Variants in FHIT observed in about 807,000 individuals in gnomAD.
FHIT encodes fragile histidine triad diadenosine triphosphatase.
Under a neutral mutation model 17.9 loss-of-function variants are expected in FHIT, and 19 were observed. That is an observed-to-expected ratio of 1.06 (90% CI 0.74 to 1.56). The LOEUF (loss-of-function observed/expected upper bound fraction) is 1.56, where lower values mean the gene tolerates loss of function less well. FHIT is among the 40% of genes most tolerant of loss of function. The pLI is 0.00. For missense variants in FHIT, 248 were observed against 189.2 expected (o/e 1.31, Z -1.82); for synonymous variants, 81 against 69.7 (o/e 1.16, Z -0.81).
At chr3:59,830,212 A>G (rs1380049474) in intron 8 of FHIT, among the ~76,000 whole-genome samples, 1 of 152,248 alleles carries the variant, frequency 6.6e-6, no homozygotes, top group Non-Finnish European at 1.5e-5. Flanking sequence ...TAACCAAAGT[A>G]ATCAGAAGCT....
chr3:60,468,426 T>C (rs934573873), intron 5 of FHIT, among the ~76,000 whole-genome samples: 3 of 152,140 alleles, frequency 2.0e-5, no homozygotes, highest in Admixed American at 2.0e-4. Flanking sequence ...TCAAGTGATA[T>C]GTTTTTATTG....
intron 4 of FHIT, among the ~76,000 whole-genome samples, chr3:60,618,802 G>A (rs554360474): frequency 6.6e-6 from 1 of 152,300 alleles, no homozygotes; most frequent in African/African-American, 2.4e-5. Flanking sequence ...GGAGGCAAAA[G>A]AGGTCAGAAT....
At chr3:61,071,872 T>C (rs993360783) in intron 2 of FHIT, among the ~76,000 whole-genome samples, 2 of 152,202 alleles carry the variant, frequency 1.3e-5, no homozygotes, top group South Asian at 2.1e-4. Context: ...CCTTATGTTA[T>C]CCTACATTTT....
intron 2 of FHIT, among the ~76,000 whole-genome samples, chr3:61,183,159 G>C (rs550986822): frequency 6.6e-6 from 1 of 152,328 alleles, no homozygotes; most frequent in African/African-American, 2.4e-5. Flanking sequence ...TTGCCACAGA[G>C]TGCCGTTATG....
rs137984547 is a variant in FHIT, at chr3:60,569,307, A to T, written c.-17-32328T>A. ...CTTCTAAGGATACCTCCTGGCCACC[A>T]AAGGACACTGGCGTGGTTTATTTCA... On this transcript the variant is annotated intron_variant, in intron 4 of 9. Coordinates refer to ENST00000492590, the MANE Select transcript of FHIT (RefSeq NM_002012.4). Among the ~76,000 whole-genome samples, 155 of 152,234 alleles carry T rather than the reference A, an allele frequency of 1.0e-3. 3 individuals carry two copies. Among genetic ancestry groups the T allele is most frequent in the African/African-American group, 3.2e-3 (135 of 41,554 alleles).
intron 5 of FHIT, among the ~76,000 whole-genome samples, chr3:60,321,625 C>A (rs1304853275): frequency 6.6e-6 from 1 of 152,242 alleles, no homozygotes; most frequent in Non-Finnish European, 1.5e-5. Flanking sequence ...CTGCTGAAAT[C>A]TGAGGATCTC....
intron 5 of FHIT, among the ~76,000 whole-genome samples, chr3:60,469,443 T>A (rs1254733784): frequency 3.9e-5 from 6 of 152,204 alleles, no homozygotes; most frequent in Admixed American, 1.3e-4. Context: ...TAACAGACTC[T>A]GATGCATTCT....
intron 4 of FHIT, among the ~76,000 whole-genome samples, chr3:60,609,928 TG>T (rs2038734208): frequency 6.6e-6 from 1 of 152,232 alleles, no homozygotes; most frequent in Non-Finnish European, 1.5e-5. Flanking sequence ...TTAGACTGAT[TG>T]AATACATTGT....
At chr3:61,155,607 G>A (rs542760805) in intron 2 of FHIT, among the ~76,000 whole-genome samples, 12 of 151,750 alleles carry the variant, frequency 7.9e-5, no homozygotes, top group South Asian at 2.1e-4. Context: ...TTTCTTCTTC[G>A]TTGAAATATT....
intron 8 of FHIT, among the ~76,000 whole-genome samples, chr3:59,920,572 G>A (rs1011993081): frequency 1.3e-5 from 2 of 152,118 alleles, no homozygotes; most frequent in Non-Finnish European, 2.9e-5. Context: ...AAGCACAGTT[G>A]GAACATCGAC....
Position 60,430,183 on chromosome 3 carries a change from G to A in FHIT, c.103+106677C>T, listed in dbSNP as rs549819381. ...CTCAGCTGCTCTGTGGAGCTGTGAG[G>A]ATACAATGAGACTGTTGCATTCCAC... On this transcript the variant is annotated intron_variant, in intron 5 of 9. Transcript: ENST00000492590. Among the ~76,000 whole-genome samples the A allele has an allele frequency of 2.6e-5, 4 of 152,140 alleles. No homozygotes were observed. In the South Asian group the frequency reaches 8.3e-4, roughly 32 times the overall value.
chr3:60,626,014 T>C (rs1252542470), intron 4 of FHIT, among the ~76,000 whole-genome samples: 1 of 152,222 alleles, frequency 6.6e-6, no homozygotes, highest in Non-Finnish European at 1.5e-5. Context: ...ATGAATTGTC[T>C]TGGCAGCACT....
intron 5 of FHIT, among the ~76,000 whole-genome samples, chr3:60,256,546 G>A (rs1576377865): frequency 6.6e-6 from 1 of 152,212 alleles, no homozygotes; most frequent in Non-Finnish European, 1.5e-5. Flanking sequence ...AGCTAACTAA[G>A]GCTAAGAGAG....
intron 5 of FHIT, among the ~76,000 whole-genome samples, chr3:60,299,495 T>C (rs1708357025): frequency 6.6e-6 from 1 of 152,162 alleles, no homozygotes; most frequent in Admixed American, 6.6e-5. Context: ...GAATTCTAAG[T>C]TGACAGTTAT....
intron 4 of FHIT, among the ~76,000 whole-genome samples, chr3:60,752,215 C>T (rs2042481342): frequency 6.6e-6 from 1 of 152,068 alleles, no homozygotes; most frequent in African/African-American, 2.4e-5. Flanking sequence ...GTTGTTTTCA[C>T]TGGGGGTGGG....
chr3:59,866,322 A>G (rs747474832), intron 8 of FHIT, among the ~76,000 whole-genome samples: 14 of 151,920 alleles, frequency 9.2e-5, no homozygotes, highest in Non-Finnish European at 1.8e-4. Flanking sequence ...AACGTGTCCA[A>G]GAATAGAAAA....
intron 5 of FHIT, among the ~76,000 whole-genome samples, chr3:60,204,740 C>T (rs904096879): frequency 1.3e-5 from 2 of 152,038 alleles, no homozygotes; most frequent in African/African-American, 4.8e-5. Context: ...AGGGGAAATA[C>T]CTGCTCTGGA....
chr3:60,301,659 G>A (rs1708462409), intron 5 of FHIT, among the ~76,000 whole-genome samples: 2 of 152,138 alleles, frequency 1.3e-5, no homozygotes, highest in African/African-American at 4.8e-5. Context: ...ACATGACTTA[G>A]AATCTAAAAA....
chr3:60,658,994 A>G (rs1420014872), intron 4 of FHIT, among the ~76,000 whole-genome samples: 6 of 150,086 alleles, frequency 4.0e-5, no homozygotes, highest in African/African-American at 1.5e-4. Context: ...GAATGCCTTA[A>G]TTTCTTACTC....
Sources: allele counts gnomAD v4.1 joint callset (sites outside exome capture counted in the v4.1 genomes callset), GRCh38; gene constraint gnomAD v4.1.1; transcripts MANE v1.5; gene names NCBI Gene and HGNC (gene_info 2026-07-23, HGNC 2026-07-21).